Variants in MAST4 observed in about 807,000 individuals in gnomAD.
MAST4 encodes microtubule associated serine/threonine kinase family member 4.
Under a neutral mutation model 162.7 loss-of-function variants are expected in MAST4, and 89 were observed. That is an observed-to-expected ratio of 0.55 (90% CI 0.46 to 0.65). The LOEUF (loss-of-function observed/expected upper bound fraction) is 0.65. Ranked by LOEUF, MAST4 falls within the 30% of genes least tolerant of loss-of-function variation. MAST4 has a pLI of 0.00. For missense variants in MAST4, 3,153 were observed against 3,374.0 expected (o/e 0.93, Z 1.62); for synonymous variants, 1,479 against 1,361.1 (o/e 1.09, Z -1.91).
chr5:67,156,037 C>T (rs1322523870), intron 26 of MAST4, among the ~76,000 whole-genome samples: 31 of 142,736 alleles, frequency 2.2e-4, no homozygotes, highest in Non-Finnish European at 4.2e-4. Context: ...CCAGCCTGGG[C>T]GACAGAGTGA....
intron 5 of MAST4, among the ~76,000 whole-genome samples, chr5:67,078,887 T>TATATAA (rs1561621660): frequency 2.2e-5 from 2 of 92,000 alleles, no homozygotes; most frequent in African/African-American, 9.5e-5. Context: ...TAAATATATT[T>TATATAA]ATATATTTAT....
chr5:66,641,988 AAATG>A (rs1430839708), intron 1 of MAST4, among the ~76,000 whole-genome samples: 11 of 152,344 alleles, frequency 7.2e-5, no homozygotes, highest in Non-Finnish European at 1.3e-4. Flanking sequence ...TTTAGCTAAT[AAATG>A]AAGAATTGAT....
chr5:67,135,881 A>G (rs1346945559), intron 18 of MAST4, among the ~76,000 whole-genome samples: 2 of 152,250 alleles, frequency 1.3e-5, no homozygotes, highest in Non-Finnish European at 2.9e-5. Flanking sequence ...GCATTTCCGT[A>G]CACACAAGCA....
intron 1 of MAST4, among the ~76,000 whole-genome samples, chr5:66,714,223 C>G (rs58446263): frequency 0.018 from 2,682 of 152,204 alleles, 75 homozygotes; most frequent in African/African-American, 0.06. Context: ...AAGGGGGAGA[C>G]ATGAGTCACC....
At chr5:66,931,054 G>C (rs2150073915) in intron 4 of MAST4, 1 of 202,728 alleles carries the variant, frequency 4.9e-6, no homozygotes, top group South Asian at 8.1e-5. Flanking sequence ...CCAAATTTAG[G>C]GGAAATATAG....
In MAST4 at chr5:66,671,703, C is replaced by T. The variant is rs190913418; in HGVS notation, c.363+74685C>T. Among the ~76,000 whole-genome samples the T allele has an allele frequency of 8.5e-4, 130 of 152,332 alleles. 1 individual carries two copies. The highest frequency in any genetic ancestry group is 3.0e-3 in the African/African-American group (124 of 41,578). On this transcript the variant is annotated intron_variant, in intron 1 of 28. Transcript: ENST00000403625. ...CCCATACCACTACAAAACTCTATAA[C>T]ATCCATGACTGGGCAACAGTGATGA...
chr5:67,040,272 A>G (rs1272028303), intron 4 of MAST4, among the ~76,000 whole-genome samples: 2 of 152,134 alleles, frequency 1.3e-5, no homozygotes, highest in African/African-American at 4.8e-5. Flanking sequence ...AAAACAATAG[A>G]ACAAAAAAAA....
intron 5 of MAST4, among the ~76,000 whole-genome samples, chr5:67,065,721 G>C (rs1371048038): frequency 1.3e-5 from 2 of 152,176 alleles, no homozygotes; most frequent in African/African-American, 2.4e-5. Flanking sequence ...GTACAGGAAT[G>C]ATATCTGTAT....
intron 4 of MAST4, among the ~76,000 whole-genome samples, chr5:67,045,155 T>A (rs2150508178): frequency 6.6e-6 from 1 of 152,384 alleles, no homozygotes; most frequent in Admixed American, 6.5e-5. Context: ...AATGTGTTTC[T>A]GTTCAACTAA....
At chr5:66,607,013 T>C (rs944641944) in intron 1 of MAST4, among the ~76,000 whole-genome samples, 5 of 152,096 alleles carry the variant, frequency 3.3e-5, no homozygotes, top group African/African-American at 1.2e-4. Context: ...ACAAGCCTTT[T>C]TGAAATTCAA....
chr5:66,623,201 T>G (rs1392450611), intron 1 of MAST4: 1 of 152,200 alleles, frequency 6.6e-6, no homozygotes, highest in Non-Finnish European at 1.5e-5. Context: ...GATTATGGCC[T>G]TATAAGAACC....
At chr5:67,002,646 G>A (rs1020904206) in intron 4 of MAST4, among the ~76,000 whole-genome samples, 2 of 152,162 alleles carry the variant, frequency 1.3e-5, no homozygotes, top group African/African-American at 4.8e-5. Context: ...TGCGCAGTGT[G>A]TGTGTAGACA....
intron 1 of MAST4, among the ~76,000 whole-genome samples, chr5:66,753,471 C>T (rs1289654853): frequency 6.6e-6 from 1 of 151,690 alleles, no homozygotes; most frequent in East Asian, 1.9e-4. Flanking sequence ...AAGGGGATAT[C>T]ACCACCGATC....
chr5:66,793,954 C>G (rs1389041871), intron 3 of MAST4, among the ~76,000 whole-genome samples: 1 of 152,136 alleles, frequency 6.6e-6, no homozygotes, highest in Non-Finnish European at 1.5e-5. Context: ...TTCTGTTTTC[C>G]AAGCTGTCTC....
intron 4 of MAST4, among the ~76,000 whole-genome samples, chr5:66,973,648 C>T (rs77065013): frequency 0.054 from 8,269 of 152,220 alleles, 332 homozygotes; most frequent in Middle Eastern, 0.11. Flanking sequence ...CTCTTCACAA[C>T]AAGATTTCAC....
chr5:66,607,452 T>C (rs1479076739), intron 1 of MAST4, among the ~76,000 whole-genome samples: 1 of 152,238 alleles, frequency 6.6e-6, no homozygotes, highest in Non-Finnish European at 1.5e-5. Context: ...TCTGCCAGGA[T>C]AATTCTTGGT....
intron 3 of MAST4, among the ~76,000 whole-genome samples, chr5:66,794,337 T>C (rs1256423637): frequency 1.3e-5 from 2 of 152,180 alleles, no homozygotes; most frequent in South Asian, 4.1e-4. Context: ...AGCTTCTTCC[T>C]TTGTGTAGTG....
intron 6 of MAST4, among the ~76,000 whole-genome samples, chr5:67,091,773 G>A (rs1456427309): frequency 3.3e-5 from 5 of 152,050 alleles, no homozygotes; most frequent in African/African-American, 1.2e-4. Context: ...AAGGACACGT[G>A]AATCTGGTTT....
intron 4 of MAST4, among the ~76,000 whole-genome samples, chr5:66,938,005 C>A (rs1201249094): frequency 6.6e-6 from 1 of 151,766 alleles, no homozygotes; most frequent in Non-Finnish European, 1.5e-5. Flanking sequence ...TTATATTTTT[C>A]TGTGGGATCC....
Sources: gnomAD v4.1 joint callset for allele counts (sites outside exome capture counted in the v4.1 genomes callset) on GRCh38, gnomAD v4.1.1 for gene constraint, MANE v1.5 for transcripts, NCBI Gene and HGNC (gene_info 2026-07-23, HGNC 2026-07-21) for gene names.